KMT2C: variants seen among roughly 807,000 people sequenced by gnomAD.
KMT2C encodes lysine methyltransferase 2C.
A neutral mutation model predicts 507.9 loss-of-function variants in KMT2C; 88 were observed. That is an observed-to-expected ratio of 0.17 (90% CI 0.15 to 0.21). The LOEUF (loss-of-function observed/expected upper bound fraction) is 0.21. KMT2C is among the 10% of genes least tolerant of loss of function. The probability of loss-of-function intolerance (pLI) is 1.00; values close to 1 mark genes in which losing one functional copy is unlikely to be tolerated. For synonymous variants in KMT2C, 2,049 were observed against 2,080.8 expected (o/e 0.98, Z 0.42); for missense variants, 4,954 against 5,957.8 (o/e 0.83, Z 5.55).
intron 1 of KMT2C, among the ~76,000 whole-genome samples, chr7:152,363,596 T>C (rs1031505080): frequency 1.3e-5 from 2 of 152,154 alleles, no homozygotes; most frequent in Non-Finnish European, 2.9e-5. Flanking sequence ...GGGTGACCCC[T>C]ACCATGGCAC....
intron 2 of KMT2C, among the ~76,000 whole-genome samples, chr7:152,339,111 A>G (rs2096966153): frequency 1.3e-5 from 2 of 152,210 alleles, no homozygotes; most frequent in South Asian, 4.1e-4. Context: ...TGTCAAAAAT[A>G]TTTTAGAGGT....
intron 23 of KMT2C, among the ~76,000 whole-genome samples, chr7:152,218,390 C>CT (rs1414408219): frequency 6.6e-6 from 1 of 152,050 alleles, no homozygotes; most frequent in Non-Finnish European, 1.5e-5. Flanking sequence ...TCTTGATCGC[C>CT]TGACCTCAGG....
intron 47 of KMT2C, 47 bp downstream of exon 47, chr7:152,154,220 A>G: frequency 6.2e-7 from 1 of 1,611,094 alleles, no homozygotes; most frequent in Non-Finnish European, 8.5e-7. Flanking sequence ...ACATTAGTAA[A>G]TTGGCGTAGT....
chr7:152,362,933 T>C (rs1269513861), intron 1 of KMT2C, among the ~76,000 whole-genome samples: 1 of 152,260 alleles, frequency 6.6e-6, no homozygotes, highest in Non-Finnish European at 1.5e-5. Flanking sequence ...CCTTTCCTTC[T>C]GGGCAATGGA....
At chr7:152,159,980 T>G (rs1255367756) in intron 43 of KMT2C, among the ~76,000 whole-genome samples, 2 of 152,248 alleles carry the variant, frequency 1.3e-5, no homozygotes, top group Non-Finnish European at 2.9e-5. Flanking sequence ...ATAAATATTG[T>G]AAGCCTCTGT....
rs548182838 is a variant in KMT2C at position 152,333,665 on chromosome 7, T to C, written c.251-2926A>G. On this transcript the variant is annotated intron_variant, in intron 2 of 58. Transcript: ENST00000262189. ...TCTTTAAAAAAAGAAAACTATCTTC[T>C]ACATTCAAAATGAATTTTAGAAAAG... Among the ~76,000 whole-genome samples, 5 of 152,332 alleles carry C rather than the reference T, an allele frequency of 3.3e-5. No homozygotes were observed. The East Asian group carries it at 9.6e-4, about 29-fold the overall frequency.
intron 23 of KMT2C, among the ~76,000 whole-genome samples, chr7:152,217,717 C>T (rs558564241): frequency 6.6e-6 from 1 of 151,710 alleles, no homozygotes; most frequent in South Asian, 2.1e-4. Context: ...TGATACGAGT[C>T]AATGAGAAAA....
chr7:152,347,549 G>C (rs2097071484), intron 2 of KMT2C, among the ~76,000 whole-genome samples: 1 of 152,238 alleles, frequency 6.6e-6, no homozygotes, highest in Non-Finnish European at 1.5e-5. Context: ...AACAACAGGA[G>C]GTGGCCACAT....
At position 152,326,364 on chromosome 7, in the gene KMT2C, T is replaced by C. The variant is rs2096828428; in HGVS notation, c.389+4237A>G. Among the ~76,000 whole-genome samples the C allele has an allele frequency of 1.3e-5, 2 of 152,212 alleles. 1 individual carries two copies. Among genetic ancestry groups the C allele is most frequent in the South Asian group, 4.1e-4 (2 of 4,824 alleles). Reference sequence around the variant, plus strand: ...GATCCTTAATCTTTCCAAAAAGTTTTATAATTTTCTCTATAAAAGTCTTAC... The same window carrying C: ...GATCCTTAATCTTTCCAAAAAGTTTCATAATTTTCTCTATAAAAGTCTTAC... On this transcript the variant is annotated intron_variant, in intron 3 of 58. Coordinates refer to ENST00000262189, the MANE Select transcript of KMT2C (RefSeq NM_170606.3).
chr7:152,307,105 C>T (rs993465826), intron 6 of KMT2C, among the ~76,000 whole-genome samples: 3 of 151,460 alleles, frequency 2.0e-5, no homozygotes, highest in African/African-American at 7.3e-5. Flanking sequence ...TGCCAATGAG[C>T]CGTGATCATG....
chr7:152,147,725 A>AG (rs1202057521), intron 52 of KMT2C, among the ~76,000 whole-genome samples: 1 of 134,216 alleles, frequency 7.5e-6, no homozygotes, highest in Non-Finnish European at 1.5e-5. Flanking sequence ...AAAAAAAAAA[A>AG]AAAGAAAAAG....
chr7:152,322,855 G>A (rs2096784662), intron 3 of KMT2C, among the ~76,000 whole-genome samples: 1 of 151,880 alleles, frequency 6.6e-6, no homozygotes, highest in Admixed American at 6.6e-5. Flanking sequence ...ATGGGCAAAG[G>A]ACCTGAACAG....
Position 152,182,086 on chromosome 7 carries a change from T to A in KMT2C, c.5774A>T (p.Asn1925Ile). Residue 1925 changes from asparagine to isoleucine, a missense_variant, in exon 36 of 59, where the codon AAC becomes ATC. Asn to Ile is a moderately radical substitution (Grantham distance 149). Coordinates refer to ENST00000262189, the MANE Select transcript of KMT2C (RefSeq NM_170606.3). ...AGATACCGATGATAAAGGTGTACAG[T>A]TTTCCACTGGTGCAGCAGAATTTCT... is the stretch of plus-strand genomic sequence containing the variant. Reference protein sequence around the residue: ...SRRNSAAPVENCTPLSSVSRP... With the variant: ...SRRNSAAPVEICTPLSSVSRP... The A allele has an allele frequency of 6.2e-7, 1 of 1,614,142 alleles. No homozygotes were observed. Among genetic ancestry groups the A allele is most frequent in the Non-Finnish European group, 8.5e-7 (1 of 1,180,024 alleles).
At chr7:152,314,597 G>T (rs1245263317) in intron 4 of KMT2C, among the ~76,000 whole-genome samples, 1 of 151,862 alleles carries the variant, frequency 6.6e-6, no homozygotes, top group African/African-American at 2.4e-5. Context: ...AGGGAGGGAA[G>T]AATGTATAGG....
chr7:152,407,671 C>CAAA (rs11440446), intron 1 of KMT2C, among the ~76,000 whole-genome samples: 10 of 136,246 alleles, frequency 7.3e-5, no homozygotes, highest in Non-Finnish European at 9.8e-5. Flanking sequence ...GACTCTGTCT[C>CAAA]AAAAAAAAAA....
intron 1 of KMT2C, among the ~76,000 whole-genome samples, chr7:152,428,568 T>C (rs933129864): frequency 6.8e-6 from 1 of 148,114 alleles, no homozygotes; most frequent in Non-Finnish European, 1.5e-5. Flanking sequence ...GAGGCAGAGG[T>C]TGCAGTGAGC....
rs752066387 is a variant in KMT2C, at chr7:152,252,617, T to G, written c.1398A>C (p.Leu466Phe). The G allele has an allele frequency of 6.2e-7, 1 of 1,613,364 alleles. No homozygotes were observed. Among genetic ancestry groups the G allele is most frequent in the Non-Finnish European group, 8.5e-7 (1 of 1,179,378 alleles). ...GATAACACTTCCCACAGAAGGGACATAAGTTATCCTGCTGTTGGTAACAAT... is the reference window on the plus strand; with the variant it reads ...GATAACACTTCCCACAGAAGGGACAGAAGTTATCCTGCTGTTGGTAACAAT... Reference protein sequence around the residue: ...CDNCYQQQDNLCPFCGKCYHP... With the variant: ...CDNCYQQQDNFCPFCGKCYHP... The change falls in exon 10 of 59, where the codon TTA (leucine) becomes TTC (phenylalanine). Residue 466 changes from leucine to phenylalanine, a missense_variant. By Grantham distance (22) the Leu-to-Phe change is conservative. This residue lies in a region of KMT2C where 376 missense variants were observed against 352.4 expected (regional missense o/e 1.07). Coordinates refer to ENST00000262189, the MANE Select transcript of KMT2C (RefSeq NM_170606.3).
chr7:152,149,489 C>G (rs2091432222), intron 51 of KMT2C, among the ~76,000 whole-genome samples: 1 of 152,234 alleles, frequency 6.6e-6, no homozygotes, highest in African/African-American at 2.4e-5. Context: ...AACACACACA[C>G]ACTCACAATG....
chr7:152,332,285 A>G (rs775940446), intron 2 of KMT2C, among the ~76,000 whole-genome samples: 3 of 152,134 alleles, frequency 2.0e-5, no homozygotes, highest in African/African-American at 7.2e-5. Context: ...GTCATGCTCT[A>G]TTACTACAAT....
Sources: gnomAD v4.1 joint callset for allele counts (sites outside exome capture counted in the v4.1 genomes callset) on GRCh38, gnomAD v4.1.1 for gene constraint, gnomAD v4.1.1 regional missense constraint, MANE v1.5 for transcripts, NCBI Gene and HGNC (gene_info 2026-07-23, HGNC 2026-07-21) for gene names.